Variants in BAIAP2L2 observed in about 807,000 individuals in gnomAD.
The protein encoded by BAIAP2L2 is BAR/IMD domain containing adaptor protein 2 like 2.
In BAIAP2L2, 65 loss-of-function variants were observed where a neutral mutation model predicts 60.4. The observed-to-expected ratio is 1.08, with a 90% confidence interval of 0.88 to 1.32. The LOEUF is 1.32. Ranked by LOEUF, BAIAP2L2 falls within the 40% of genes most tolerant of loss-of-function variation. The pLI is 0.00. For synonymous variants in BAIAP2L2, 344 were observed against 301.7 expected (o/e 1.14, Z -1.45); for missense variants, 836 against 741.2 (o/e 1.13, Z -1.48).
Position 38,089,535 on chromosome 22 carries a change from G to T in BAIAP2L2, c.752C>A (p.Thr251Asn). ...PPYPSGRLTPTCLDMPPRPLG... is the reference protein window; with the variant it reads ...PPYPSGRLTPNCLDMPPRPLG... ...CCAGGGCCTCACCATGTCCAGGCAG[G>T]TGGGCGTCAGGCGGCCCGAGGGGTA... The change falls in exon 8 of 14, where the codon ACC (threonine) becomes AAC (asparagine). Residue 251 changes from threonine to asparagine, a missense_variant. Transcript: ENST00000381669. The T allele has an allele frequency of 1.6e-6, 2 of 1,219,180 alleles. No homozygotes were observed. The highest frequency in any genetic ancestry group is 2.0e-6 in the Non-Finnish European group (2 of 980,146). The allele number at this position is 1,219,180 out of a possible 1,614,324, so 75.5% of individuals were successfully genotyped here. A position where few individuals can be genotyped will look rare whatever the true frequency, so the allele number is the denominator to read the frequency against.
At chr22:38,108,440 G>T in intron 2 of BAIAP2L2, 99 bp from the exon 3 acceptor site, 3 of 940,608 alleles carry the variant, frequency 3.2e-6, no homozygotes, top group Non-Finnish European at 4.8e-6. Context: ...TCCTGGGTGG[G>T]GTGTGGGCAT....
chr22:38,105,282 C>A (rs1389709564), intron 4 of BAIAP2L2, among the ~76,000 whole-genome samples: 1 of 151,876 alleles, frequency 6.6e-6, no homozygotes, highest in Non-Finnish European at 1.5e-5. Context: ...CCAGATTGCC[C>A]TTCCCCCAGA....
intron 7 of BAIAP2L2, among the ~76,000 whole-genome samples, chr22:38,095,655 G>A (rs187660202): frequency 6.2e-4 from 95 of 152,214 alleles, no homozygotes; most frequent in Non-Finnish European, 1.0e-3. Context: ...GTGAGCCACC[G>A]CGCCCAGCCT....
chr22:38,096,204 A>G (rs1454696000), intron 7 of BAIAP2L2, among the ~76,000 whole-genome samples: 3 of 152,256 alleles, frequency 2.0e-5, no homozygotes, highest in African/African-American at 7.2e-5. Context: ...ATAAATGGCA[A>G]TATTTACAAA....
At chr22:38,088,707 C>G (rs759961111) in intron 10 of BAIAP2L2, 41 bp downstream of exon 10, 4 of 1,526,322 alleles carry the variant, frequency 2.6e-6, no homozygotes, top group Non-Finnish European at 3.5e-6. Flanking sequence ...CCAGGGCCTT[C>G]TTCTCAACCC....
At chr22:38,093,322 A>G (rs545031540) in intron 7 of BAIAP2L2, among the ~76,000 whole-genome samples, 10 of 152,342 alleles carry the variant, frequency 6.6e-5, no homozygotes, top group Admixed American at 6.5e-4. Context: ...CAGCCTGCAG[A>G]ACTGAGAGCC....
At chr22:38,098,593 C>G (rs541341734) in intron 4 of BAIAP2L2, 111 bp from the exon 5 acceptor site, 3 of 741,952 alleles carry the variant, frequency 4.0e-6, no homozygotes, top group Non-Finnish European at 6.6e-6. Flanking sequence ...CCTAATATAC[C>G]AGGCACCTGC....
At chr22:38,090,785 T>C (rs2086279974) in intron 7 of BAIAP2L2, 1 of 152,152 alleles carries the variant, frequency 6.6e-6, no homozygotes. Context: ...TGGTCTGTCC[T>C]TGAAGATGCC....
intron 10 of BAIAP2L2, 43 bp from the exon 11 acceptor site, chr22:38,087,307 C>A: frequency 6.4e-7 from 1 of 1,569,116 alleles, no homozygotes; most frequent in Non-Finnish European, 8.6e-7. Flanking sequence ...AGAAGCCAGG[C>A]CTGGGGACAA....
chr22:38,089,708 C>T, intron 7 of BAIAP2L2, 34 bp from the exon 8 acceptor site: 1 of 1,226,752 alleles, frequency 8.2e-7, no homozygotes, highest in Non-Finnish European at 1.0e-6. Context: ...TCAGCCAGGT[C>T]CGGGCGGCTC....
chr22:38,093,771 T>A (rs112940664), intron 7 of BAIAP2L2: 150 of 392,812 alleles, frequency 3.8e-4, no homozygotes, highest in African/African-American at 2.8e-3. Flanking sequence ...ACGGAAACAC[T>A]CCGGAAAACG....
chr22:38,098,611 T>G, intron 4 of BAIAP2L2, 129 bp from the exon 5 acceptor site: 1 of 637,896 alleles, frequency 1.6e-6, no homozygotes, highest in Non-Finnish European at 2.7e-6. Flanking sequence ...TGCCCACCTG[T>G]CAGAGAAACG....
chr22:38,096,982 G>T, intron 7 of BAIAP2L2, 50 bp downstream of exon 7: 3 of 1,569,072 alleles, frequency 1.9e-6, no homozygotes, highest in Non-Finnish European at 2.6e-6. Context: ...CCACTCAGGA[G>T]GGGGCAGCTC....
intron 7 of BAIAP2L2, chr22:38,090,402 G>A (rs2086269871): frequency 6.6e-6 from 1 of 152,022 alleles, no homozygotes; most frequent in African/African-American, 2.4e-5. Flanking sequence ...GTGAGCCACC[G>A]AGCCTGGCCT....
intron 1 of BAIAP2L2, among the ~76,000 whole-genome samples, chr22:38,109,467 T>C (rs2086745284): frequency 6.6e-6 from 1 of 152,142 alleles, no homozygotes; most frequent in Non-Finnish European, 1.5e-5. Context: ...ACGTCTGCTC[T>C]GGCGGGACCG....
chr22:38,109,752 CGGGCCTGGACTT>C (rs913091588), intron 1 of BAIAP2L2, among the ~76,000 whole-genome samples: 12 of 151,974 alleles, frequency 7.9e-5, no homozygotes, highest in East Asian at 2.0e-4. Context: ...ATGGTGAAGA[CGGGCCTGGACTT>C]GGGCCTGGAC....
chr22:38,093,211 C>T (rs1263071935), intron 7 of BAIAP2L2, among the ~76,000 whole-genome samples: 2 of 151,174 alleles, frequency 1.3e-5, no homozygotes, highest in African/African-American at 4.9e-5. Flanking sequence ...CACCGGCTCC[C>T]TCTCTGGCCA....
At chr22:38,089,764 A>C in intron 7 of BAIAP2L2, 90 bp from the exon 8 acceptor site, 89 of 1,148,148 alleles carry the variant, frequency 7.8e-5, no homozygotes, top group South Asian at 8.8e-5. Context: ...CTGAGAGCTC[A>C]GGCCCTACCA....
intron 2 of BAIAP2L2, among the ~76,000 whole-genome samples, chr22:38,108,615 G>A (rs2086719496): frequency 6.6e-6 from 1 of 152,174 alleles, no homozygotes; most frequent in African/African-American, 2.4e-5. Context: ...GGGTAGTGGG[G>A]TGCTATTGGC....
Sources: allele counts gnomAD v4.1 joint callset (sites outside exome capture counted in the v4.1 genomes callset), GRCh38; gene constraint gnomAD v4.1.1; transcripts MANE v1.5; gene names NCBI Gene and HGNC (gene_info 2026-07-23, HGNC 2026-07-21).